Variants in BTBD9 observed in about 807,000 individuals in gnomAD.
BTBD9 encodes BTB domain containing 9.
BTBD9 carries 49 observed loss-of-function variants against 64.3 expected under a neutral mutation model. That is an observed-to-expected ratio of 0.76 (90% CI 0.61 to 0.97). The LOEUF (loss-of-function observed/expected upper bound fraction) is 0.97, where lower values mean the gene tolerates loss of function less well. Among genes scored for constraint, BTBD9 ranks in the 50% least tolerant of loss-of-function variants. BTBD9 has a pLI of 0.00. For missense variants in BTBD9, 598 were observed against 762.1 expected (o/e 0.78, Z 2.53); for synonymous variants, 260 against 274.7 (o/e 0.95, Z 0.53).
intron 6 of BTBD9, among the ~76,000 whole-genome samples, chr6:38,468,273 C>T (rs1011198596): frequency 6.6e-6 from 1 of 152,194 alleles, no homozygotes; most frequent in African/African-American, 2.4e-5. Flanking sequence ...ACCCTTGTTG[C>T]ATGGCATATT....
intron 6 of BTBD9, among the ~76,000 whole-genome samples, chr6:38,380,660 T>G (rs115438243): frequency 0.033 from 5,084 of 152,196 alleles, 167 homozygotes; most frequent in East Asian, 0.11. Context: ...CAAGACCCTG[T>G]CTCTAAAAAG....
intron 4 of BTBD9, among the ~76,000 whole-genome samples, chr6:38,592,261 GAGGA>G (rs1171921396): frequency 6.6e-6 from 1 of 152,092 alleles, no homozygotes; most frequent in East Asian, 1.9e-4. Context: ...TTATTTGATG[GAGGA>G]AGGAAGAAAA....
intron 6 of BTBD9, among the ~76,000 whole-genome samples, chr6:38,392,647 C>A (rs893073358): frequency 6.6e-6 from 1 of 152,128 alleles, no homozygotes; most frequent in African/African-American, 2.4e-5. Context: ...ATAAAGTAAC[C>A]TGTCCAACAA....
chr6:38,228,862 G>A (rs1438218543), intron 9 of BTBD9, among the ~76,000 whole-genome samples: 1 of 149,982 alleles, frequency 6.7e-6, no homozygotes, highest in Non-Finnish European at 1.5e-5. Context: ...GGCAGAGCGA[G>A]GCTCCGTCTC....
At position 38,425,209 on chromosome 6, in the gene BTBD9, G is replaced by A. The variant is rs971269158; in HGVS notation, c.1155-80116C>T. 2.7e-5 allele frequency among the ~76,000 whole-genome samples: 4 copies of A among 150,226 alleles called. 1 individual carries two copies. The highest frequency in any genetic ancestry group is 7.4e-5 in the African/African-American group (3 of 40,538). The stretch of plus-strand genomic sequence containing the variant: ...CAACCTCCGCCTCCCAAGTTCAAGT[G>A]ATTCTCCTGCCTCAGCCTCCTGAGT... On this transcript the variant is annotated intron_variant, in intron 6 of 10. Transcript: ENST00000481247.
chr6:38,280,165 T>C (rs891159421), intron 8 of BTBD9, among the ~76,000 whole-genome samples: 4 of 152,344 alleles, frequency 2.6e-5, no homozygotes, highest in South Asian at 2.1e-4. Context: ...ATATTTACCA[T>C]GCCCCCAAAC....
At chr6:38,345,326 A>T (rs1355459878) in intron 6 of BTBD9, among the ~76,000 whole-genome samples, 1 of 152,244 alleles carries the variant, frequency 6.6e-6, no homozygotes, top group East Asian at 1.9e-4. Flanking sequence ...ATTAAGTAGA[A>T]CTTAGATTTG....
intron 6 of BTBD9, among the ~76,000 whole-genome samples, chr6:38,504,072 G>A (rs1772336382): frequency 6.6e-6 from 1 of 151,988 alleles, no homozygotes; most frequent in Admixed American, 6.6e-5. Flanking sequence ...AGATACTATG[G>A]TCTATATATA....
chr6:38,572,060 C>T (rs1775796583), intron 6 of BTBD9, among the ~76,000 whole-genome samples: 1 of 151,450 alleles, frequency 6.6e-6, no homozygotes, highest in Non-Finnish European at 1.5e-5. Context: ...CTTAAAACAC[C>T]TACCCCCCAT....
At chr6:38,564,671 T>G (rs552429546) in intron 6 of BTBD9, among the ~76,000 whole-genome samples, 36 of 152,128 alleles carry the variant, frequency 2.4e-4, no homozygotes, top group Middle Eastern at 3.4e-3. Context: ...GGCGAATCAT[T>G]AGGTCTGGAG....
intron 7 of BTBD9, among the ~76,000 whole-genome samples, chr6:38,331,465 C>T (rs1763673251): frequency 6.6e-6 from 1 of 152,124 alleles, no homozygotes; most frequent in African/African-American, 2.4e-5. Context: ...GCAACAGAGA[C>T]AGACTCCCTC....
At chr6:38,365,849 A>G (rs1562083612) in intron 6 of BTBD9, among the ~76,000 whole-genome samples, 2 of 152,146 alleles carry the variant, frequency 1.3e-5, no homozygotes, top group African/African-American at 2.4e-5. Context: ...ACAATAAATA[A>G]TTTGAAAATA....
chr6:38,258,156 T>C (rs1227591328), intron 8 of BTBD9, among the ~76,000 whole-genome samples: 1 of 151,930 alleles, frequency 6.6e-6, no homozygotes, highest in Non-Finnish European at 1.5e-5. Flanking sequence ...CAGCTAATTT[T>C]TGTAGTTTTA....
intron 9 of BTBD9, among the ~76,000 whole-genome samples, chr6:38,222,254 G>GTTTTTTTTTTTT (rs771737210): frequency 4.1e-5 from 4 of 96,744 alleles, no homozygotes; most frequent in African/African-American, 4.1e-5. Flanking sequence ...AATTCATTCA[G>GTTTTTTTTTTTT]TTGTTTTTTT....
chr6:38,441,512 C>A (rs1231506185), intron 6 of BTBD9, among the ~76,000 whole-genome samples: 2 of 152,082 alleles, frequency 1.3e-5, no homozygotes, highest in Non-Finnish European at 2.9e-5. Context: ...CCTTGAACAT[C>A]TGAGATGTTC....
At chr6:38,175,733 G>A (rs922360605) in intron 10 of BTBD9, among the ~76,000 whole-genome samples, 12 of 152,230 alleles carry the variant, frequency 7.9e-5, no homozygotes, top group Non-Finnish European at 1.6e-4. Context: ...CCCAGTCTGA[G>A]TGCATGTGAA....
chr6:38,288,587 T>C lies in BTBD9; in HGVS notation c.1265-126A>G. On this transcript the variant is annotated intron_variant, in intron 7 of 10. Transcript: ENST00000481247. Reference sequence around the variant, plus strand: ...ATGATAAAAGAAAAATTAGAACATCTGGATTATCTTCAGATATGAATACAT... The same window carrying C: ...ATGATAAAAGAAAAATTAGAACATCCGGATTATCTTCAGATATGAATACAT... 5.2e-6 allele frequency: 4 copies of C among 762,320 alleles called. 1 individual carries two copies. In the South Asian group the frequency reaches 7.4e-5, roughly 14 times the overall value. 47.2% of individuals were successfully genotyped at this position (762,320 alleles called of 1,614,324 possible). A position where few individuals can be genotyped will look rare whatever the true frequency, so the allele number is the denominator to read the frequency against.
At chr6:38,634,861 T>C (rs777654824) in intron 1 of BTBD9, among the ~76,000 whole-genome samples, 3 of 152,230 alleles carry the variant, frequency 2.0e-5, no homozygotes, top group Non-Finnish European at 4.4e-5. Flanking sequence ...AGATAAGCTC[T>C]ACGAAATTGG....
chr6:38,227,131 G>C (rs559803317), intron 9 of BTBD9, among the ~76,000 whole-genome samples: 35 of 152,338 alleles, frequency 2.3e-4, no homozygotes, highest in Admixed American at 2.2e-3. Context: ...GAAGTCACTA[G>C]AGAGAGAAAC....
Sources: gnomAD v4.1 joint callset for allele counts (sites outside exome capture counted in the v4.1 genomes callset) on GRCh38, gnomAD v4.1.1 for gene constraint, MANE v1.5 for transcripts, NCBI Gene and HGNC (gene_info 2026-07-23, HGNC 2026-07-21) for gene names.